CDK14: variants seen among roughly 807,000 people sequenced by gnomAD.
CDK14 encodes the protein cyclin dependent kinase 14, also known as cyclin-dependent kinase 14.
CDK14 carries 34 observed loss-of-function variants against 60.7 expected under a neutral mutation model. The observed-to-expected ratio is 0.56, with a 90% CI of 0.43 to 0.75. CDK14 has a LOEUF of 0.75. Ranked by LOEUF, CDK14 falls within the 30% of genes least tolerant of loss-of-function variation. The pLI, the probability that CDK14 is intolerant of heterozygous loss-of-function variation, is 0.00. For missense variants in CDK14, 482 were observed against 564.1 expected, an observed-to-expected ratio of 0.85 and a Z score of 1.47; for synonymous variants, 197 against 203.7, an observed-to-expected ratio of 0.97 and a Z score of 0.28.
intron 5 of CDK14, among the ~76,000 whole-genome samples, chr7:90,833,337 G>A (rs1328415692): frequency 2.0e-5 from 3 of 152,164 alleles, no homozygotes; most frequent in African/African-American, 7.2e-5. Context: ...CCCTTGGGAA[G>A]CATTTATAAA....
rs183807426 is a variant in CDK14, at chr7:90,998,857, C to A, written c.1041+14616C>A. On this transcript the variant is annotated intron_variant, in intron 10 of 14. Transcript: ENST00000380050. The stretch of plus-strand genomic sequence containing the variant: ...TGAGCGGAGATCGCGCCACTGCACT[C>A]CAGCCTGGGCGACAGAGTGAGCCTC... Among the ~76,000 whole-genome samples the A allele has an allele frequency of 6.2e-3, 938 of 152,082 alleles. 4 individuals carry two copies. Among genetic ancestry groups the A allele is most frequent in the Non-Finnish European group, 0.01 (692 of 67,982 alleles).
intron 14 of CDK14, among the ~76,000 whole-genome samples, chr7:91,202,451 G>A (rs1206422195): frequency 6.6e-6 from 1 of 152,130 alleles, no homozygotes; most frequent in Non-Finnish European, 1.5e-5. Flanking sequence ...CTGTTCATTT[G>A]TGTTGTGCAT....
At chr7:90,731,770 A>G (rs1802875054) in intron 3 of CDK14, among the ~76,000 whole-genome samples, 1 of 152,178 alleles carries the variant, frequency 6.6e-6, no homozygotes, top group Non-Finnish European at 1.5e-5. Flanking sequence ...TAAATATACA[A>G]TCATGTCTCT....
intron 11 of CDK14, among the ~76,000 whole-genome samples, chr7:91,054,422 C>T (rs553106790): frequency 4.6e-5 from 7 of 152,246 alleles, no homozygotes; most frequent in Non-Finnish European, 1.0e-4. Flanking sequence ...TGCTGTCCCT[C>T]CTCCCACAAA....
chr7:90,918,748 A>AC (rs777021293), intron 8 of CDK14, among the ~76,000 whole-genome samples: 122 of 151,518 alleles, frequency 8.1e-4, no homozygotes, highest in Middle Eastern at 3.4e-3. Context: ...TTTCCTCTCC[A>AC]CCCCCCATTA....
intron 8 of CDK14, among the ~76,000 whole-genome samples, chr7:90,946,884 C>T (rs149167330): frequency 4.6e-5 from 7 of 152,292 alleles, no homozygotes; most frequent in Admixed American, 3.9e-4. Flanking sequence ...GTTTCCATTT[C>T]CCGCTGTTAC....
At chr7:91,009,232 A>G (rs1388929588) in intron 10 of CDK14, among the ~76,000 whole-genome samples, 3 of 152,090 alleles carry the variant, frequency 2.0e-5, no homozygotes, top group African/African-American at 7.2e-5. Flanking sequence ...GTGATATGCC[A>G]TTGTATAGAT....
At chr7:90,953,202 G>C (rs896466549) in intron 8 of CDK14, among the ~76,000 whole-genome samples, 4 of 109,980 alleles carry the variant, frequency 3.6e-5, no homozygotes, top group African/African-American at 1.0e-4. Context: ...TTAATTGACT[G>C]TGTTCAAATG....
chr7:91,206,993 AT>A (rs201466419), intron 14 of CDK14, among the ~76,000 whole-genome samples, 171 bp from the exon 15 acceptor site: 23 of 151,376 alleles, frequency 1.5e-4, no homozygotes, highest in African/African-American at 4.6e-4. Flanking sequence ...TATTAGAAGG[AT>A]TTTTTTTTGG....
intron 11 of CDK14, among the ~76,000 whole-genome samples, chr7:91,058,663 A>G (rs1484136580): frequency 2.0e-5 from 3 of 152,196 alleles, no homozygotes; most frequent in Non-Finnish European, 4.4e-5. Flanking sequence ...TGAGATAATC[A>G]TGTGGTTTTT....
At chr7:91,159,467 C>T (rs1801098954) in intron 14 of CDK14, among the ~76,000 whole-genome samples, 1 of 152,198 alleles carries the variant, frequency 6.6e-6, no homozygotes, top group South Asian at 2.1e-4. Context: ...GAATTATAAA[C>T]ACTTGGACAT....
intron 5 of CDK14, among the ~76,000 whole-genome samples, chr7:90,822,144 T>C (rs1789572950): frequency 6.6e-6 from 1 of 152,254 alleles, no homozygotes; most frequent in African/African-American, 2.4e-5. Context: ...ACGATGAGAC[T>C]GTTTTTGGTA....
At chr7:90,737,078 G>C (rs1196578514) in intron 3 of CDK14, among the ~76,000 whole-genome samples, 2 of 152,066 alleles carry the variant, frequency 1.3e-5, no homozygotes, top group Non-Finnish European at 1.5e-5. Flanking sequence ...CTTTTCCTAG[G>C]ACTAGTTCCT....
At chr7:91,016,577 A>G (rs762738227) in intron 10 of CDK14, among the ~76,000 whole-genome samples, 4 of 152,152 alleles carry the variant, frequency 2.6e-5, no homozygotes, top group Admixed American at 6.5e-5. Flanking sequence ...CTGGTTTTCA[A>G]TTATTTCAGA....
Position 90,996,705 on chromosome 7 carries a change from G to A in CDK14, c.1041+12464G>A, listed in dbSNP as rs1795694270. Among the ~76,000 whole-genome samples the A allele has an allele frequency of 2.0e-5, 3 of 152,146 alleles. No homozygotes were observed. The South Asian group carries it at 6.2e-4, about 32-fold the overall frequency. Reference sequence around the variant, plus strand: ...TATTCTTACTAAAATCTCTTTGTGGGTTTAGTTGTACTGGAAGTGTTGAAA... The same window carrying A: ...TATTCTTACTAAAATCTCTTTGTGGATTTAGTTGTACTGGAAGTGTTGAAA... On this transcript the variant is annotated intron_variant, in intron 10 of 14. Transcript: ENST00000380050.
At chr7:90,863,712 G>T (rs1485846951) in intron 6 of CDK14, among the ~76,000 whole-genome samples, 2 of 151,498 alleles carry the variant, frequency 1.3e-5, no homozygotes, top group Non-Finnish European at 3.0e-5. Context: ...GTGTGTGTGT[G>T]TAGGAAAGCC....
intron 11 of CDK14, among the ~76,000 whole-genome samples, chr7:91,074,761 GAA>G (rs1798247310): frequency 6.6e-6 from 1 of 150,780 alleles, no homozygotes; most frequent in Non-Finnish European, 1.5e-5. Flanking sequence ...ATAGACTAAT[GAA>G]AAGAGAGAAG....
chr7:90,994,770 A>T (rs917550540), intron 10 of CDK14, among the ~76,000 whole-genome samples: 1 of 152,028 alleles, frequency 6.6e-6, no homozygotes, highest in Non-Finnish European at 1.5e-5. Context: ...TCCCTTTTTG[A>T]CTAACAAGTT....
chr7:91,149,024 A>G (rs929900116), intron 14 of CDK14, among the ~76,000 whole-genome samples: 8 of 152,154 alleles, frequency 5.3e-5, no homozygotes, highest in African/African-American at 1.9e-4. Context: ...TACTGTTAAT[A>G]ATAACATTTA....
Sources: gnomAD v4.1 joint callset for allele counts (sites outside exome capture counted in the v4.1 genomes callset) on GRCh38, gnomAD v4.1.1 for gene constraint, MANE v1.5 for transcripts, NCBI Gene and HGNC (gene_info 2026-07-23, HGNC 2026-07-21) for gene names.